FRAS1: variants seen among roughly 807,000 people sequenced by gnomAD.
FRAS1 encodes the protein extracellular matrix organizing protein FRAS1.
FRAS1 carries 290 observed loss-of-function variants against 435.2 expected under a neutral mutation model. That is an observed-to-expected ratio of 0.67 (90% CI 0.61 to 0.73). The LOEUF (loss-of-function observed/expected upper bound fraction) is 0.73. FRAS1 is among the 30% of genes least tolerant of loss of function. The pLI, the probability that FRAS1 is intolerant of heterozygous loss-of-function variation, is 0.00. For synonymous variants in FRAS1, 1,800 were observed against 1,851.0 expected, an observed-to-expected ratio of 0.97 and a Z score of 0.71; for missense variants, 4,860 against 5,001.5, an observed-to-expected ratio of 0.97 and a Z score of 0.85.
chr4:78,089,301 G>C (rs1741378831), intron 2 of FRAS1, among the ~76,000 whole-genome samples: 1 of 97,578 alleles, frequency 1.0e-5, no homozygotes, highest in Non-Finnish European at 2.0e-5. Context: ...AGGGGGGAGG[G>C]ATAGCATTAG....
intron 20 of FRAS1, among the ~76,000 whole-genome samples, chr4:78,341,015 G>A (rs1241613511): frequency 3.3e-5 from 5 of 152,132 alleles, no homozygotes; most frequent in African/African-American, 9.7e-5. Flanking sequence ...ACAACAGAAG[G>A]GAGTGGGTGT....
intron 47 of FRAS1, among the ~76,000 whole-genome samples, chr4:78,453,033 CA>C (rs913984916): frequency 5.3e-5 from 8 of 149,534 alleles, no homozygotes; most frequent in African/African-American, 1.8e-4. Context: ...GAGGCACATT[CA>C]AAAAACAACA....
At chr4:78,109,463 G>A (rs1009071073) in intron 2 of FRAS1, among the ~76,000 whole-genome samples, 9,468 of 151,852 alleles carry the variant, frequency 0.062, 798 homozygotes, top group African/African-American at 0.19. Context: ...ATCAATAAAC[G>A]TAATCTAGCA....
chr4:78,268,139 C>T (rs1172776226), intron 9 of FRAS1, among the ~76,000 whole-genome samples: 2 of 152,130 alleles, frequency 1.3e-5, no homozygotes, highest in African/African-American at 4.8e-5. Flanking sequence ...CTCACTGCTC[C>T]CTTCCGCCCC....
chr4:78,203,209 C>T (rs1320002460), intron 2 of FRAS1, among the ~76,000 whole-genome samples: 1 of 152,092 alleles, frequency 6.6e-6, no homozygotes. Context: ...ACACTATTTC[C>T]AGGCAATAAG....
intron 41 of FRAS1, among the ~76,000 whole-genome samples, chr4:78,442,047 G>A (rs1457898164): frequency 2.0e-5 from 3 of 152,232 alleles, no homozygotes; most frequent in Non-Finnish European, 2.9e-5. Context: ...TCTAATTGGT[G>A]TGCAGCTAGC....
chr4:78,411,164 A>G (rs62308072), intron 31 of FRAS1, among the ~76,000 whole-genome samples: 55,503 of 148,416 alleles, frequency 0.37, 10,348 homozygotes, highest in African/African-American at 0.38. Context: ...AGGCTGGAGT[A>G]CAGTGGTGCG....
chr4:78,277,782 TG>T (rs1427106341), intron 9 of FRAS1, among the ~76,000 whole-genome samples: 1 of 152,056 alleles, frequency 6.6e-6, no homozygotes, highest in African/African-American at 2.4e-5. Flanking sequence ...CCTGCAAACG[TG>T]GCAGGGTAGA....
Position 78,472,340 on chromosome 4 carries a change from C to G in FRAS1, c.7522+10C>G, listed in dbSNP as rs1198456102. ...GCCACTTTCACCCAGGGTGGGGACTCTCTGGGAACTTAGAAATGGGAGAAA... is the reference window on the plus strand; with the variant it reads ...GCCACTTTCACCCAGGGTGGGGACTGTCTGGGAACTTAGAAATGGGAGAAA... On this transcript the variant is annotated intron_variant, in intron 52 of 73. Transcript: ENST00000512123. The G allele has an allele frequency of 6.3e-7, 1 of 1,579,316 alleles. No homozygotes were observed. Among genetic ancestry groups the G allele is most frequent in the Non-Finnish European group, 8.6e-7 (1 of 1,161,786 alleles).
chr4:78,464,402 C>T, intron 48 of FRAS1, 41 bp from the exon 49 acceptor site: 2 of 1,612,734 alleles, frequency 1.2e-6, no homozygotes, highest in African/African-American at 2.7e-5. Context: ...TGGGTAGGTG[C>T]TAGGGACAGG....
chr4:78,530,929 G>A (rs561070539), intron 70 of FRAS1, among the ~76,000 whole-genome samples: 1 of 152,164 alleles, frequency 6.6e-6, no homozygotes, highest in African/African-American at 2.4e-5. Context: ...ATTACTTTGG[G>A]CAGTATGGCC....
At chr4:78,418,658 G>A (rs1454368076) in intron 32 of FRAS1, among the ~76,000 whole-genome samples, 1 of 152,176 alleles carries the variant, frequency 6.6e-6, no homozygotes, top group Non-Finnish European at 1.5e-5. Context: ...TAGGAAAAAA[G>A]TAATAGCAGA....
rs17453559 is a variant in FRAS1, at chr4:78,138,796, T to A, written c.108+72780T>A. Among the ~76,000 whole-genome samples, 861 of 152,308 alleles carry A rather than the reference T, an allele frequency of 5.7e-3. 6 individuals are homozygous for A. Among genetic ancestry groups the A allele is most frequent in the Non-Finnish European group, 9.2e-3 (627 of 68,026 alleles). ...GCACAATGCTTGCCTTCTATCAGAG[T>A]AAGCATTTGACAAATGTTAGCTGAC... On this transcript the variant is annotated intron_variant, in intron 2 of 73. Coordinates refer to ENST00000512123, the MANE Select transcript of FRAS1 (RefSeq NM_025074.7).
chr4:78,152,601 A>G (rs1437833167), intron 2 of FRAS1, among the ~76,000 whole-genome samples: 1 of 125,284 alleles, frequency 8.0e-6, no homozygotes, highest in African/African-American at 2.9e-5. Context: ...CATTTCATGT[A>G]GGCTGCTTTT....
chr4:78,306,756 A>G (rs1445030854), intron 14 of FRAS1, among the ~76,000 whole-genome samples: 1 of 151,480 alleles, frequency 6.6e-6, no homozygotes, highest in Non-Finnish European at 1.5e-5. Context: ...TTCTAGTTAT[A>G]CATTCTTCTA....
chr4:78,431,273 A>G (rs1389922840), intron 37 of FRAS1, among the ~76,000 whole-genome samples: 1 of 152,208 alleles, frequency 6.6e-6, no homozygotes, highest in Non-Finnish European at 1.5e-5. Context: ...AACTAAAGAA[A>G]TGTCATTAGA....
At chr4:78,199,938 C>T (rs2110074424) in intron 2 of FRAS1, among the ~76,000 whole-genome samples, 1 of 152,240 alleles carries the variant, frequency 6.6e-6, no homozygotes, top group Non-Finnish European at 1.5e-5. Flanking sequence ...GGGGAAATAG[C>T]TCTAATACTT....
Position 78,086,189 on chromosome 4 carries a change from G to A in FRAS1, c.108+20173G>A, listed in dbSNP as rs1392998824. Among the ~76,000 whole-genome samples, 5 of 152,110 alleles carry A rather than the reference G, an allele frequency of 3.3e-5. No individual in the cohort carries two copies. In the East Asian group the frequency reaches 9.6e-4, roughly 29 times the overall value. ...CCTGAATGACTACTGGGTACATAAC[G>A]AAATGAAGGCAGAAATAAAGATGTT... On this transcript the variant is annotated intron_variant, in intron 2 of 73. Coordinates refer to ENST00000512123, the MANE Select transcript of FRAS1 (RefSeq NM_025074.7).
At chr4:78,104,594 T>G (rs1310224238) in intron 2 of FRAS1, among the ~76,000 whole-genome samples, 1 of 152,270 alleles carries the variant, frequency 6.6e-6, no homozygotes, top group Non-Finnish European at 1.5e-5. Context: ...GTTAATTAAT[T>G]CATTTAAAGG....
Sources: gnomAD v4.1 joint callset for allele counts (sites outside exome capture counted in the v4.1 genomes callset) on GRCh38, gnomAD v4.1.1 for gene constraint, MANE v1.5 for transcripts, NCBI Gene and HGNC (gene_info 2026-07-23, HGNC 2026-07-21) for gene names.